Variants in PCDHA4 observed in about 807,000 individuals in gnomAD.
PCDHA4 encodes the protein protocadherin alpha 4, also known as protocadherin alpha-4.
Under a neutral mutation model 61.4 loss-of-function variants are expected in PCDHA4, and 49 were observed. The observed-to-expected ratio is 0.80, with a 90% CI of 0.63 to 1.01. PCDHA4 has a LOEUF of 1.01. Ranked by LOEUF, PCDHA4 falls within the 50% of genes least tolerant of loss-of-function variation. The pLI, the probability that PCDHA4 is intolerant of heterozygous loss-of-function variation, is 0.00. For synonymous variants in PCDHA4, 590 were observed against 550.3 expected, an observed-to-expected ratio of 1.07 and a Z score of -1.01; for missense variants, 1,254 against 1,235.8, an observed-to-expected ratio of 1.01 and a Z score of -0.22.
intron 3 of PCDHA4, among the ~76,000 whole-genome samples, chr5:141,007,733 C>A (rs2098343034): frequency 6.6e-6 from 1 of 152,180 alleles, no homozygotes; most frequent in African/African-American, 2.4e-5. Flanking sequence ...CAAAGGTTAA[C>A]CACTGAAGAT....
At chr5:140,896,226 T>C (rs1554186874) in intron 1 of PCDHA4, among the ~76,000 whole-genome samples, 1 of 152,242 alleles carries the variant, frequency 6.6e-6, no homozygotes, top group Non-Finnish European at 1.5e-5. Flanking sequence ...GTCTTTATAG[T>C]AGAATGACTT....
chr5:140,915,681 G>C (rs1261107431), intron 1 of PCDHA4, among the ~76,000 whole-genome samples: 1 of 151,116 alleles, frequency 6.6e-6, no homozygotes, highest in Non-Finnish European at 1.5e-5. Context: ...TCTTGAACTA[G>C]GGGTATGGTG....
At position 140,856,129 on chromosome 5, in the gene PCDHA4, C is replaced by G. The variant is rs149039484; in HGVS notation, c.2385+46557C>G. ...TCCTCGCAGCCTGGGAGGTGGGGAG[C>G]GGCCAGCTCCACTACTCAGTCTACG... On this transcript the variant is annotated intron_variant, in intron 1 of 3. Transcript: ENST00000530339. The G allele has an allele frequency of 2.3e-5, 36 of 1,597,980 alleles. 3 individuals are homozygous for G. Among genetic ancestry groups the G allele is most frequent in the African/African-American group, 2.7e-5 (2 of 74,256 alleles).
intron 1 of PCDHA4, among the ~76,000 whole-genome samples, chr5:140,922,269 T>C (rs782114145): frequency 1.3e-5 from 2 of 152,214 alleles, no homozygotes; most frequent in Non-Finnish European, 2.9e-5. Context: ...GCCATGAAGA[T>C]TGGACCAAGA....
chr5:140,836,346 G>A, intron 1 of PCDHA4: 2 of 1,613,696 alleles, frequency 1.2e-6, no homozygotes, highest in Admixed American at 1.7e-5. Context: ...GAAGGACCAC[G>A]GGGAGCCCTC....
chr5:140,920,908 T>G (rs1333150217), intron 1 of PCDHA4, among the ~76,000 whole-genome samples: 1 of 151,136 alleles, frequency 6.6e-6, no homozygotes, highest in Non-Finnish European at 1.5e-5. Context: ...GGTTCTCAAA[T>G]CAGTTCCAAG....
intron 1 of PCDHA4, chr5:140,875,972 T>G: frequency 6.2e-7 from 1 of 1,614,068 alleles, no homozygotes; most frequent in Non-Finnish European, 8.5e-7. Context: ...GTAAACTCTC[T>G]TTTGACCTAT....
chr5:140,871,643 C>G (rs1432039358), intron 1 of PCDHA4: 1 of 1,293,296 alleles, frequency 7.7e-7, no homozygotes, highest in Admixed American at 2.9e-5. Flanking sequence ...TCATAAAATA[C>G]CAAATGATAC....
Position 140,824,271 on chromosome 5 carries a change from T to C in PCDHA4, c.2385+14699T>C, listed in dbSNP as rs1428906460. 2.5e-6 allele frequency: 3 copies of C among 1,216,294 alleles called. No individual in the cohort carries two copies. The African/African-American group carries it at 4.5e-5, about 18-fold the overall frequency. 75.3% of individuals were successfully genotyped at this position (1,216,294 alleles called of 1,614,324 possible). A position where few individuals can be genotyped will look rare whatever the true frequency, so the allele number is the denominator to read the frequency against. ...ACAATTATTGCACTAATTCATGTAT[T>C]ATATGCTTTTTATGAGGCTTTTCTG... On this transcript the variant is annotated intron_variant, in intron 1 of 3. Coordinates refer to ENST00000530339, the MANE Select transcript of PCDHA4 (RefSeq NM_018907.4).
chr5:140,966,279 G>A, intron 1 of PCDHA4: 1 of 364,628 alleles, frequency 2.7e-6, no homozygotes, highest in Non-Finnish European at 4.9e-6. Flanking sequence ...ACTGGACAGT[G>A]GGGGTAGGGA....
At chr5:140,975,543 T>C (rs1276340507) in intron 1 of PCDHA4, among the ~76,000 whole-genome samples, 2 of 152,206 alleles carry the variant, frequency 1.3e-5, no homozygotes, top group African/African-American at 4.8e-5. Context: ...AATACAGTCC[T>C]ATTAGGAAGG....
At chr5:140,959,317 A>G (rs1424960169) in intron 1 of PCDHA4, among the ~76,000 whole-genome samples, 3 of 152,078 alleles carry the variant, frequency 2.0e-5, no homozygotes, top group Non-Finnish European at 4.4e-5. Flanking sequence ...TGAAGCTGCA[A>G]TAAGTTTTGA....
intron 1 of PCDHA4, among the ~76,000 whole-genome samples, chr5:140,889,687 T>C (rs1190333599): frequency 1.3e-5 from 2 of 152,198 alleles, no homozygotes; most frequent in African/African-American, 4.8e-5. Context: ...AACCTTTTAG[T>C]ATTATGGGCA....
At chr5:140,858,328 G>T (rs782462952) in intron 1 of PCDHA4, 1 of 1,596,534 alleles carries the variant, frequency 6.3e-7, no homozygotes, top group South Asian at 1.1e-5. Context: ...GTTCTGGGGA[G>T]GGCCTGCCCA....
chr5:141,000,163 A>G (rs2097894710), intron 3 of PCDHA4, among the ~76,000 whole-genome samples: 1 of 152,054 alleles, frequency 6.6e-6, no homozygotes, highest in African/African-American at 2.4e-5. Context: ...AAACTATTTG[A>G]TTATTGAGCC....
At chr5:140,915,264 G>A (rs536821921) in intron 1 of PCDHA4, among the ~76,000 whole-genome samples, 9 of 151,876 alleles carry the variant, frequency 5.9e-5, no homozygotes, top group Non-Finnish European at 1.3e-4. Context: ...TATTATTTTT[G>A]ACCAGTTCAT....
chr5:140,984,478 A>G (rs1374350616), intron 3 of PCDHA4, among the ~76,000 whole-genome samples: 1 of 152,078 alleles, frequency 6.6e-6, no homozygotes, highest in Non-Finnish European at 1.5e-5. Flanking sequence ...TGTATAACCC[A>G]TTTTATCCAG....
At chr5:140,883,288 A>G (rs781835023) in intron 1 of PCDHA4, 1 of 1,614,110 alleles carries the variant, frequency 6.2e-7, no homozygotes, top group Non-Finnish European at 8.5e-7. Context: ...TGGTGGAAGT[A>G]CTAGATGTAA....
At chr5:140,941,255 C>CTTTCTTTCTTTCTTTCTCTT (rs782490896) in intron 1 of PCDHA4, among the ~76,000 whole-genome samples, 1 of 44,508 alleles carries the variant, frequency 2.2e-5, no homozygotes, top group Non-Finnish European at 5.1e-5. Context: ...TTCTTTCTTT[C>CTTTCTTTCTTTCTTTCTCTT]TCTTTCTTTC....
Sources: gnomAD v4.1 joint callset for allele counts (sites outside exome capture counted in the v4.1 genomes callset) on GRCh38, gnomAD v4.1.1 for gene constraint, MANE v1.5 for transcripts, NCBI Gene and HGNC (gene_info 2026-07-23, HGNC 2026-07-21) for gene names.